The following SRCIN1 variants were observed in gnomAD, a reference collection of about 807,000 sequenced individuals.
SRCIN1 encodes SRC kinase signaling inhibitor 1.
Under a neutral mutation model 116.2 loss-of-function variants are expected in SRCIN1, and 50 were observed. The ratio of observed to expected loss-of-function variants is 0.43; its 90% CI spans 0.34 to 0.54. The LOEUF (loss-of-function observed/expected upper bound fraction) is 0.54. SRCIN1 is among the 20% of genes least tolerant of loss of function. SRCIN1 has a pLI of 0.02. For synonymous variants in SRCIN1, 736 were observed against 750.0 expected, an observed-to-expected ratio of 0.98 and a Z score of 0.30; for missense variants, 1,446 against 1,672.0, an observed-to-expected ratio of 0.86 and a Z score of 2.36.
intron 18 of SRCIN1, among the ~76,000 whole-genome samples, chr17:38,535,011 G>A (rs2040979788): frequency 6.6e-6 from 1 of 151,970 alleles, no homozygotes; most frequent in African/African-American, 2.4e-5. Context: ...GTGTGCCTGT[G>A]GTTCCAGCTT....
Position 38,558,329 on chromosome 17 carries a change from G to A in SRCIN1, c.2099C>T (p.Ala700Val), listed in dbSNP as rs752106712. Residue 700 changes from alanine to valine, a missense_variant, in exon 11 of 19, where the codon GCG (alanine) becomes GTG (valine). This residue lies in a region of SRCIN1 where 398 missense variants were observed against 385.6 expected (regional missense o/e 1.03). Coordinates refer to ENST00000617146, the MANE Select transcript of SRCIN1 (RefSeq NM_025248.3). The surrounding 1 kb of genome is among the most constrained non-coding windows in gnomAD (Gnocchi z 4.6). The stretch of plus-strand genomic sequence containing the variant: ...CAGCGGGTCCTCCTGCCGCCGCGCC[G>A]CCTCCGACACGCGCATGCTCAGCTC... Reference protein sequence around the residue: ...EAELSMRVSEAARRQEDPLQR... With the variant: ...EAELSMRVSEVARRQEDPLQR... The A allele has an allele frequency of 1.2e-6, 2 of 1,609,952 alleles. No homozygotes were observed. Among genetic ancestry groups the A allele is most frequent in the East Asian group, 2.2e-5 (1 of 44,884 alleles).
Position 38,578,691 on chromosome 17 carries a change from G to A in SRCIN1, c.123C>T (p.Gly41=). 1 of 1,539,068 alleles carries A rather than the reference G, an allele frequency of 6.5e-7. No homozygotes were observed. The highest frequency in any genetic ancestry group is 1.2e-5 in the South Asian group (1 of 83,804). The change falls in exon 2 of 19, where the codon GGC becomes GGT. Residue 41 remains glycine, a synonymous_variant. Coordinates refer to ENST00000617146, the MANE Select transcript of SRCIN1 (RefSeq NM_025248.3). ...CCAGCCCCACGTTGGAGAAGCGCCG[G>A]CCCCCGCTGCCCCCGCCGCCCCCGC... The part of the protein sequence containing the change: ...LGGGGGGGSG[G]RRFSNVGLVH...
chr17:38,577,235 C>A (rs1001418576), intron 2 of SRCIN1, among the ~76,000 whole-genome samples: 1 of 152,212 alleles, frequency 6.6e-6, no homozygotes, highest in Non-Finnish European at 1.5e-5. Context: ...TTCCCCTCCC[C>A]AGCTAGATGA....
At chr17:38,597,650 G>A (rs756058555) in intron 1 of SRCIN1, among the ~76,000 whole-genome samples, 9 of 152,184 alleles carry the variant, frequency 5.9e-5, no homozygotes, top group Non-Finnish European at 8.8e-5. Flanking sequence ...TCAGGGCTGC[G>A]ATTGCAGCCC....
At position 38,552,251 on chromosome 17, in the gene SRCIN1, G is replaced by A; in HGVS notation, c.2481-119C>T. 6.8e-7 allele frequency: 1 copy of A among 1,470,706 alleles called. No homozygotes were observed. The highest frequency in any genetic ancestry group is 2.3e-5 in the East Asian group (1 of 43,194). The allele number at this position is 1,470,706 out of a possible 1,614,324, so 91.1% of individuals were successfully genotyped here. On this transcript the variant is annotated intron_variant, in intron 13 of 18. Transcript: ENST00000617146. This position sits in a 1 kb window ranked among gnomAD's most constrained non-coding sequence, Gnocchi z 5.3. The stretch of plus-strand genomic sequence containing the variant: ...GCTCTGGGATGCTGTGGGAGGGCCT[G>A]GGGAGGAGTGACTGCCCCTGGTATA...
At chr17:38,533,793 A>C (rs2040961018) in intron 18 of SRCIN1, among the ~76,000 whole-genome samples, 2 of 149,584 alleles carry the variant, frequency 1.3e-5, no homozygotes, top group African/African-American at 5.0e-5. Flanking sequence ...GGAAGAAGTG[A>C]AACATTAGCT....
intron 11 of SRCIN1, among the ~76,000 whole-genome samples, chr17:38,556,794 C>G (rs1000079066): frequency 6.6e-6 from 1 of 152,196 alleles, no homozygotes; most frequent in Non-Finnish European, 1.5e-5. Flanking sequence ...CCTGGAGAAC[C>G]AAGGCCTTCA....
intron 15 of SRCIN1, 75 bp from the exon 16 acceptor site, chr17:38,549,285 G>T (rs974880938): frequency 8.3e-5 from 115 of 1,379,208 alleles, no homozygotes; most frequent in Non-Finnish European, 2.7e-5. Context: ...ACTTGAAGGG[G>T]ATAAACCTTG....
chr17:38,590,405 T>A (rs1908379432), intron 1 of SRCIN1, among the ~76,000 whole-genome samples: 1 of 152,194 alleles, frequency 6.6e-6, no homozygotes, highest in South Asian at 2.1e-4. Flanking sequence ...CTGGCTAATT[T>A]TTGTATTCTT....
At chr17:38,601,401 G>A (rs1244076567) in intron 1 of SRCIN1, among the ~76,000 whole-genome samples, 1 of 152,200 alleles carries the variant, frequency 6.6e-6, no homozygotes, top group Non-Finnish European at 1.5e-5. Context: ...TACCGCCTCT[G>A]CACCTGGAGA....
intron 2 of SRCIN1, among the ~76,000 whole-genome samples, chr17:38,577,305 C>T (rs541648131): frequency 6.6e-6 from 1 of 152,294 alleles, no homozygotes; most frequent in African/African-American, 2.4e-5. Context: ...ATGAGAGGGG[C>T]TCCTTGAGGG....
chr17:38,568,511 CA>C lies in SRCIN1; in HGVS notation c.325-281del, dbSNP rs1351171445. Among the ~76,000 whole-genome samples, 1 of 152,236 alleles carries C rather than the reference CA, an allele frequency of 6.6e-6. No individual in the cohort carries two copies. Among genetic ancestry groups the C allele is most frequent in the African/African-American group, 2.4e-5 (1 of 41,464 alleles). On this transcript the variant is annotated intron_variant, in intron 2 of 18. Coordinates refer to ENST00000617146, the MANE Select transcript of SRCIN1 (RefSeq NM_025248.3). This position sits in a 1 kb window ranked among gnomAD's most constrained non-coding sequence, Gnocchi z 4.5. ...ACAGAGGATGGTGATAGAGCGAACC[CA>C]TGAGGCAGTCACAAGAGAGGCAGCG... is the stretch of plus-strand genomic sequence containing the variant.
At position 38,578,483 on chromosome 17, in the gene SRCIN1, C is replaced by T. The variant is rs935398175; in HGVS notation, c.324+7G>A. On this transcript the variant is annotated splice_region_variant and intron_variant, in intron 2 of 18. Transcript: ENST00000617146. ...GCAGCCGCAGCCGCAGCCGGGAGCC[C>T]ACTCACCTGCTCTCGCATCCTGTCC... is the stretch of plus-strand genomic sequence containing the variant. 1.3e-6 allele frequency: 2 copies of T among 1,574,630 alleles called. No homozygotes were observed. The highest frequency in any genetic ancestry group is 1.7e-6 in the Non-Finnish European group (2 of 1,154,960).
At chr17:38,542,124 A>G (rs1307599634) in intron 18 of SRCIN1, 1 of 152,292 alleles carries the variant, frequency 6.6e-6, no homozygotes, top group Admixed American at 6.6e-5. Flanking sequence ...TCTCGATGTC[A>G]CTGGAGACCC....
Position 38,578,836 on chromosome 17 carries a change from C to A in SRCIN1, c.23-45G>T, listed in dbSNP as rs572703945. 7.4e-4 allele frequency: 1,065 copies of A among 1,447,622 alleles called. 28 individuals carry two copies. In the East Asian group the frequency reaches 0.027, roughly 36 times the overall value. The allele number at this position is 1,447,622 out of a possible 1,614,324, so 89.7% of individuals were successfully genotyped here. A position where few individuals can be genotyped will look rare whatever the true frequency, so the allele number is the denominator to read the frequency against. ...CACGGCTGGGTCACGGCGCGCCCGG[C>A]CTGGGGCTGCCCATCCCCCAAGGGG... On this transcript the variant is annotated intron_variant, in intron 1 of 18. Transcript: ENST00000617146.
intron 3 of SRCIN1, among the ~76,000 whole-genome samples, chr17:38,566,537 C>G (rs1203602136): frequency 1.3e-5 from 2 of 152,160 alleles, no homozygotes; most frequent in Non-Finnish European, 2.9e-5. Flanking sequence ...AGGTAGAGAG[C>G]GCCTATCACC....
At chr17:38,569,007 G>C (rs1906902271) in intron 2 of SRCIN1, among the ~76,000 whole-genome samples, 1 of 152,108 alleles carries the variant, frequency 6.6e-6, no homozygotes, top group Non-Finnish European at 1.5e-5. Context: ...CTAGTTTACA[G>C]AGCAGAGTGG....
At chr17:38,543,776 C>A in intron 18 of SRCIN1, 47 bp downstream of exon 18, 1 of 1,585,926 alleles carries the variant, frequency 6.3e-7, no homozygotes, top group Non-Finnish European at 8.5e-7. Context: ...AGGGGCCCGG[C>A]ATGCAGCAGA....
intron 2 of SRCIN1, among the ~76,000 whole-genome samples, chr17:38,573,660 A>G (rs1336566787): frequency 2.0e-5 from 3 of 152,154 alleles, no homozygotes; most frequent in Non-Finnish European, 4.4e-5. Context: ...TCACAGCCCC[A>G]AGATGCTCCA....
Sources: allele counts gnomAD v4.1 joint callset (sites outside exome capture counted in the v4.1 genomes callset), GRCh38; gene constraint gnomAD v4.1.1; regional missense constraint gnomAD v4.1.1; non-coding constraint Gnocchi (gnomAD v3.1); transcripts MANE v1.5; gene names NCBI Gene and HGNC (gene_info 2026-07-23, HGNC 2026-07-21).